Variants in DGKG observed in about 807,000 individuals in gnomAD.
DGKG encodes the protein diacylglycerol kinase gamma.
In DGKG, 78 loss-of-function variants were observed where a neutral mutation model predicts 105.3. The observed-to-expected ratio is 0.74, with a 90% CI of 0.62 to 0.89. DGKG has a LOEUF of 0.89. Ranked by LOEUF, DGKG falls within the 40% of genes least tolerant of loss-of-function variation. DGKG has a pLI of 0.00. For synonymous variants in DGKG, 346 were observed against 367.1 expected, an observed-to-expected ratio of 0.94 and a Z score of 0.66; for missense variants, 958 against 1,020.1, an observed-to-expected ratio of 0.94 and a Z score of 0.83.
chr3:186,207,141 T>C (rs549485103), intron 21 of DGKG, among the ~76,000 whole-genome samples: 32 of 152,326 alleles, frequency 2.1e-4, no homozygotes, highest in Non-Finnish European at 4.6e-4. Context: ...TCCTTTGTGG[T>C]CTCATAGAAG....
chr3:186,222,559 A>G (rs1719637313), intron 20 of DGKG, among the ~76,000 whole-genome samples: 1 of 152,140 alleles, frequency 6.6e-6, no homozygotes, highest in Admixed American at 6.5e-5. Context: ...ATACACACAC[A>G]TGGTCGGGTG....
intron 9 of DGKG, among the ~76,000 whole-genome samples, chr3:186,278,678 CAT>C (rs1303238795): frequency 6.6e-6 from 1 of 152,144 alleles, no homozygotes; most frequent in East Asian, 1.9e-4. Context: ...TTGCAAGATT[CAT>C]AGTTCTTGAG....
rs139896452 is a variant in DGKG at position 186,200,194 on chromosome 3, G to A, written c.1917+11601C>T. Among the ~76,000 whole-genome samples the A allele has an allele frequency of 3.4e-4, 52 of 152,288 alleles. No individual in the cohort carries two copies. In the East Asian group the frequency reaches 0.01, roughly 29 times the overall value. On this transcript the variant is annotated intron_variant, in intron 21 of 24. Transcript: ENST00000265022. ...AGTGAAGATGAAAAGGAGACACCATGAAGATACATCTCCAGCCCTATGAAA... is the reference window on the plus strand; with the variant it reads ...AGTGAAGATGAAAAGGAGACACCATAAAGATACATCTCCAGCCCTATGAAA...
Position 186,320,558 on chromosome 3 carries a change from C to T in DGKG, c.-99G>A, listed in dbSNP as rs1224371314. 1.5e-5 allele frequency: 24 copies of T among 1,592,042 alleles called. No individual in the cohort carries two copies. The highest frequency in any genetic ancestry group is 4.5e-5 in the South Asian group (4 of 88,084). On this transcript the variant is annotated 5_prime_UTR_variant, in exon 2 of 25. Transcript: ENST00000265022. ...CAGGGCCTGGCTCATTGCAGGTTTGCGATGTAAGCCTTTCAGGAGACTTCT... is the reference window on the plus strand; with the variant it reads ...CAGGGCCTGGCTCATTGCAGGTTTGTGATGTAAGCCTTTCAGGAGACTTCT...
chr3:186,297,061 G>GTCTCTC (rs1491157719), intron 5 of DGKG, among the ~76,000 whole-genome samples: 16 of 26,136 alleles, frequency 6.1e-4, no homozygotes, highest in African/African-American at 1.4e-3. Flanking sequence ...CTGTCTGTCT[G>GTCTCTC]TCTCTCTCAC....
chr3:186,284,670 A>G lies in DGKG; in HGVS notation c.584T>C (p.Leu195Pro). Residue 195 changes from leucine (L) to proline (P), a missense_variant, in exon 7 of 25, where the codon CTG (leucine) becomes CCG (proline). Physicochemically the swap from Leu to Pro is moderately conservative, Grantham distance 98 (BLOSUM62 -3). This residue lies in a region of DGKG where 643 missense variants were observed against 619.5 expected (regional missense o/e 1.04). Transcript: ENST00000265022. The surrounding 1 kb of genome is among the most constrained non-coding windows in gnomAD (Gnocchi z 4.0). ...AGAGTGAGAACTTACCGCTTGGTCC[A>G]GGAGACCGTTCTCATCTGAATCATA... The part of the protein sequence containing the change: ...RLYDSDENGL[L>P]DQAEMDCIVN... 1 of 1,613,916 alleles carries G rather than the reference A, an allele frequency of 6.2e-7. No homozygotes were observed. The highest frequency in any genetic ancestry group is 8.5e-7 in the Non-Finnish European group (1 of 1,179,802).
chr3:186,315,011 G>GCC (rs1724748381), intron 2 of DGKG, among the ~76,000 whole-genome samples: 1 of 152,140 alleles, frequency 6.6e-6, no homozygotes, highest in African/African-American at 2.4e-5. Flanking sequence ...AAGAGGGTCA[G>GCC]TAGGCGGCAT....
chr3:186,260,402 G>T, intron 16 of DGKG, 37 bp downstream of exon 16: 2 of 1,451,120 alleles, frequency 1.4e-6, no homozygotes, highest in Non-Finnish European at 1.9e-6. Context: ...TAAAAGGGAG[G>T]GGGAGAAATA....
At chr3:186,215,936 T>C (rs1408390832) in intron 20 of DGKG, among the ~76,000 whole-genome samples, 4 of 151,730 alleles carry the variant, frequency 2.6e-5, no homozygotes, top group Non-Finnish European at 5.9e-5. Context: ...GGCCAGGTGC[T>C]GTGTAGGGCT....
At chr3:186,360,337 A>C (rs1727167716) in intron 1 of DGKG, among the ~76,000 whole-genome samples, 1 of 152,118 alleles carries the variant, frequency 6.6e-6, no homozygotes, top group Non-Finnish European at 1.5e-5. Context: ...CCCACCCTAA[A>C]GCCCCTCCCA....
intron 7 of DGKG, among the ~76,000 whole-genome samples, chr3:186,281,730 C>T (rs761008053): frequency 9.9e-5 from 15 of 151,994 alleles, no homozygotes; most frequent in Non-Finnish European, 1.9e-4. Context: ...GGCAGAAGTT[C>T]CAAAAGAAAA....
intron 19 of DGKG, among the ~76,000 whole-genome samples, chr3:186,251,389 G>A (rs1268228217): frequency 6.6e-6 from 1 of 152,174 alleles, no homozygotes; most frequent in Non-Finnish European, 1.5e-5. Flanking sequence ...AGAATTCCCA[G>A]TTCCTGAAGC....
rs372463385 is a variant in DGKG at position 186,209,089 on chromosome 3, TCTTC to T, written c.1917+2702_1917+2705del. Among the ~76,000 whole-genome samples the T allele has an allele frequency of 3.2e-3, 397 of 125,544 alleles. 10 individuals carry two copies. In the South Asian group the frequency reaches 0.065, roughly 21 times the overall value. 82.4% of individuals were successfully genotyped at this position (125,544 alleles called of 152,430 possible). A position where few individuals can be genotyped will look rare whatever the true frequency, so the allele number is the denominator to read the frequency against. ...GGACTTTTCTCTCCCTTCAGTTTAC[TCTTC>T]TTTTTTTTTTTTTTTTTTTTTTTAA... On this transcript the variant is annotated intron_variant, in intron 21 of 24. Coordinates refer to ENST00000265022, the MANE Select transcript of DGKG (RefSeq NM_001346.3).
At chr3:186,161,030 A>G in intron 24 of DGKG, 1 of 986,366 alleles carries the variant, frequency 1.0e-6, no homozygotes, top group Non-Finnish European at 1.2e-6. Context: ...TAAACAAAAT[A>G]GATAACCTGC....
At chr3:186,256,698 A>G (rs112517327) in intron 17 of DGKG, among the ~76,000 whole-genome samples, 9 of 152,212 alleles carry the variant, frequency 5.9e-5, no homozygotes, top group African/African-American at 2.2e-4. Context: ...CTTTTCTCGA[A>G]TCCACTCTGC....
chr3:186,307,171 A>G (rs552473007), intron 2 of DGKG, among the ~76,000 whole-genome samples, 194 bp from the exon 3 acceptor site: 5 of 152,212 alleles, frequency 3.3e-5, no homozygotes, highest in African/African-American at 1.2e-4. Flanking sequence ...CTGCATCTAA[A>G]TTATCTTTCT....
At chr3:186,313,610 A>G (rs1160703159) in intron 2 of DGKG, 1 of 751,768 alleles carries the variant, frequency 1.3e-6, no homozygotes, top group Non-Finnish European at 1.6e-6. Flanking sequence ...GGAGCTTGTT[A>G]GAAAAGCAGA....
Position 186,147,367 on chromosome 3 carries a change from T to C in DGKG, c.*2723A>G. 2 of 980,138 alleles carry C rather than the reference T, an allele frequency of 2.0e-6. No individual in the cohort carries two copies. Among genetic ancestry groups the C allele is most frequent in the Non-Finnish European group, 2.4e-6 (2 of 824,712 alleles). The allele number at this position is 980,138 out of a possible 1,614,324, so 60.7% of individuals were successfully genotyped here. ...GTCACTAAACCTCATTAAGCCTTGTTCTCCTCATTGAGATCGAGATAATAA... is the reference window on the plus strand; with the variant it reads ...GTCACTAAACCTCATTAAGCCTTGTCCTCCTCATTGAGATCGAGATAATAA... On this transcript the variant is annotated 3_prime_UTR_variant, in exon 25 of 25. Coordinates refer to ENST00000265022, the MANE Select transcript of DGKG (RefSeq NM_001346.3).
intron 17 of DGKG, among the ~76,000 whole-genome samples, chr3:186,257,556 A>AC (rs1167970623): frequency 6.7e-6 from 1 of 148,450 alleles, no homozygotes; most frequent in East Asian, 2.0e-4. Context: ...CTGTCCTCCC[A>AC]CCCCCCAAAT....
Sources: gnomAD v4.1 joint callset for allele counts (sites outside exome capture counted in the v4.1 genomes callset) on GRCh38, gnomAD v4.1.1 for gene constraint, gnomAD v4.1.1 regional missense constraint, Gnocchi (gnomAD v3.1) non-coding constraint, MANE v1.5 for transcripts, NCBI Gene and HGNC (gene_info 2026-07-23, HGNC 2026-07-21) for gene names.